Variants in NKAIN3 observed in about 807,000 individuals in gnomAD.
NKAIN3 encodes sodium/potassium transporting ATPase interacting 3.
NKAIN3 carries 25 observed loss-of-function variants against 30.2 expected under a neutral mutation model. The ratio of observed to expected loss-of-function variants is 0.83; its 90% CI spans 0.60 to 1.16. NKAIN3 has a LOEUF of 1.16. NKAIN3 is among the 50% of genes most tolerant of loss of function. The pLI, the probability that NKAIN3 is intolerant of heterozygous loss-of-function variation, is 0.00. For missense variants in NKAIN3, 225 were observed against 254.1 expected (o/e 0.89, Z 0.78); for synonymous variants, 91 against 89.6 (o/e 1.02, Z -0.09).
At chr8:62,365,831 A>AT (rs1816720537) in intron 1 of NKAIN3, among the ~76,000 whole-genome samples, 2 of 152,006 alleles carry the variant, frequency 1.3e-5, no homozygotes, top group African/African-American at 4.8e-5. Flanking sequence ...CTTAATTTGC[A>AT]TTTGTCTGAT....
At chr8:62,339,686 A>G (rs1160972511) in intron 1 of NKAIN3, among the ~76,000 whole-genome samples, 1 of 152,016 alleles carries the variant, frequency 6.6e-6, no homozygotes. Flanking sequence ...TTTAATTCTG[A>G]TTTCCTCTTG....
At chr8:62,281,777 T>A (rs2930013) in intron 1 of NKAIN3, among the ~76,000 whole-genome samples, 7,696 of 152,242 alleles carry the variant, frequency 0.051, 265 homozygotes, top group Middle Eastern at 0.12. Context: ...AACTTATGCA[T>A]GTTTGTCATC....
intron 1 of NKAIN3, among the ~76,000 whole-genome samples, chr8:62,372,906 A>G (rs1816953907): frequency 6.6e-6 from 1 of 152,000 alleles, no homozygotes; most frequent in South Asian, 2.1e-4. Flanking sequence ...TATATTTTCT[A>G]TTGTTGGTTT....
chr8:62,939,876 C>G (rs936059062), intron 5 of NKAIN3, among the ~76,000 whole-genome samples: 6 of 151,274 alleles, frequency 4.0e-5, no homozygotes, highest in African/African-American at 1.5e-4. Context: ...CAGGCAACAA[C>G]TAGCATGATG....
At chr8:62,717,502 T>G (rs537801652) in intron 3 of NKAIN3, among the ~76,000 whole-genome samples, 99 of 138,178 alleles carry the variant, frequency 7.2e-4, no homozygotes, top group African/African-American at 2.7e-3. Flanking sequence ...TAATTAAGGG[T>G]TTTTTTTTTT....
intron 3 of NKAIN3, among the ~76,000 whole-genome samples, chr8:62,632,754 C>T (rs56081227): frequency 0.24 from 35,898 of 151,762 alleles, 4,396 homozygotes; most frequent in East Asian, 0.34. Context: ...CCACCCCCCT[C>T]GGCCTCCCAA....
intron 1 of NKAIN3, among the ~76,000 whole-genome samples, chr8:62,340,478 A>G (rs1815706024): frequency 6.6e-6 from 1 of 151,962 alleles, no homozygotes; most frequent in Non-Finnish European, 1.5e-5. Flanking sequence ...AAATAGGAGA[A>G]GGAGAAAGGA....
At chr8:62,748,590 C>G (rs923463027) in intron 4 of NKAIN3, among the ~76,000 whole-genome samples, 1 of 152,156 alleles carries the variant, frequency 6.6e-6, no homozygotes, top group Non-Finnish European at 1.5e-5. Flanking sequence ...ACTCAATCTA[C>G]TATTTACTAT....
chr8:62,653,872 A>T (rs891260891), intron 3 of NKAIN3, among the ~76,000 whole-genome samples: 5 of 152,150 alleles, frequency 3.3e-5, no homozygotes, highest in Admixed American at 3.3e-4. Context: ...AGGACTACAT[A>T]TAGTCACCCT....
intron 3 of NKAIN3, among the ~76,000 whole-genome samples, chr8:62,626,788 A>G (rs753779578): frequency 1.3e-5 from 2 of 152,154 alleles, no homozygotes; most frequent in Non-Finnish European, 2.9e-5. Context: ...CAGCAAAATA[A>G]TAATTCACTT....
At chr8:62,867,316 A>C (rs1043807105) in intron 4 of NKAIN3, among the ~76,000 whole-genome samples, 9 of 152,182 alleles carry the variant, frequency 5.9e-5, no homozygotes. Flanking sequence ...GAATTGAAAA[A>C]TGGTAGCAAC....
At chr8:62,952,590 TGTGA>T (rs1823314409) in intron 5 of NKAIN3, among the ~76,000 whole-genome samples, 1 of 152,216 alleles carries the variant, frequency 6.6e-6, no homozygotes, top group Non-Finnish European at 1.5e-5. Context: ...TTACAATGTC[TGTGA>T]GTATTTTTAT....
intron 1 of NKAIN3, among the ~76,000 whole-genome samples, chr8:62,439,818 T>C (rs1435181696): frequency 1.3e-5 from 2 of 152,220 alleles, no homozygotes; most frequent in African/African-American, 4.8e-5. Flanking sequence ...TGTTGTTTGC[T>C]TGCTGTTGGG....
In NKAIN3 at chr8:62,893,225, C is replaced by T. The variant is rs190246257; in HGVS notation, c.472-25228C>T. On this transcript the variant is annotated intron_variant, in intron 4 of 6. Coordinates refer to ENST00000623646, the MANE Select transcript of NKAIN3 (RefSeq NM_001304533.3). Reference sequence around the variant, plus strand: ...CTCTGGGTCAAGGCTCCTCCATGTCCGTACGTTAAGGAGAAACACTCAAAT... The same window carrying T: ...CTCTGGGTCAAGGCTCCTCCATGTCTGTACGTTAAGGAGAAACACTCAAAT... Among the ~76,000 whole-genome samples, 22 of 152,126 alleles carry T rather than the reference C, an allele frequency of 1.4e-4. No individual in the cohort carries two copies. The East Asian group carries it at 3.1e-3, about 21-fold the overall frequency.
At chr8:62,829,984 T>C (rs1819145582) in intron 4 of NKAIN3, among the ~76,000 whole-genome samples, 1 of 152,058 alleles carries the variant, frequency 6.6e-6, no homozygotes. Context: ...AAGTGGGAAA[T>C]GAACAAATTG....
At chr8:62,610,347 GAA>G (rs33941316) in intron 3 of NKAIN3, among the ~76,000 whole-genome samples, 5,495 of 135,412 alleles carry the variant, frequency 0.041, 337 homozygotes, top group African/African-American at 0.13. Context: ...CTCCGTCTCA[GAA>G]AAAAAAAAAA....
intron 3 of NKAIN3, among the ~76,000 whole-genome samples, chr8:62,666,242 C>A (rs566514373): frequency 2.2e-4 from 34 of 152,148 alleles, no homozygotes; most frequent in Non-Finnish European, 4.0e-4. Context: ...TTAATTCATT[C>A]ATTCATTAGA....
intron 1 of NKAIN3, among the ~76,000 whole-genome samples, chr8:62,542,103 C>T (rs920211368): frequency 9.2e-5 from 14 of 152,158 alleles, no homozygotes; most frequent in African/African-American, 2.9e-4. Flanking sequence ...AGGCTCTTTC[C>T]CCTGAGAGTA....
intron 3 of NKAIN3, among the ~76,000 whole-genome samples, chr8:62,610,349 A>G (rs74824827): frequency 1.4e-5 from 1 of 70,844 alleles, no homozygotes. Flanking sequence ...CCGTCTCAGA[A>G]AAAAAAAAAA....
Sources: gnomAD v4.1 joint callset for allele counts (sites outside exome capture counted in the v4.1 genomes callset) on GRCh38, gnomAD v4.1.1 for gene constraint, MANE v1.5 for transcripts, NCBI Gene and HGNC (gene_info 2026-07-23, HGNC 2026-07-21) for gene names.